TSHZ1: variants seen among roughly 807,000 people sequenced by gnomAD.
TSHZ1 encodes the protein teashirt zinc finger homeobox 1.
Under a neutral mutation model 67.1 loss-of-function variants are expected in TSHZ1, and 12 were observed. The observed-to-expected ratio is 0.18, with a 90% CI of 0.11 to 0.29. The LOEUF (loss-of-function observed/expected upper bound fraction) is 0.29, where lower values mean the gene tolerates loss of function less well. Ranked by LOEUF, TSHZ1 falls within the 10% of genes least tolerant of loss-of-function variation. TSHZ1 has a pLI of 1.00. For synonymous variants in TSHZ1, 632 were observed against 622.4 expected (o/e 1.02, Z -0.23); for missense variants, 1,305 against 1,413.9 (o/e 0.92, Z 1.23).
rs774520194 is a variant in TSHZ1, at chr18:75,288,504, T to C, written c.3097T>C (p.Leu1033=). The C allele has an allele frequency of 7.4e-6, 12 of 1,614,094 alleles. No homozygotes were observed. Among genetic ancestry groups the C allele is most frequent in the Admixed American group, 1.7e-5 (1 of 60,010 alleles). ...LGPLGATEED[L]GSTFQCKLCN... Reference sequence around the variant, plus strand: ...CCCACTGGGGGCCACCGAGGAAGACTTGGGCTCCACATTCCAATGTAAGCT... The same window carrying C: ...CCCACTGGGGGCCACCGAGGAAGACCTGGGCTCCACATTCCAATGTAAGCT... Residue 1033 remains leucine, a synonymous_variant, in exon 2 of 2, where the codon TTG becomes CTG. Coordinates refer to ENST00000580243, the MANE Select transcript of TSHZ1 (RefSeq NM_001308210.2). The surrounding 1 kb of genome is among the most constrained non-coding windows in gnomAD (Gnocchi z 4.9).
At chr18:75,238,188 G>C (rs983800187) in intron 1 of TSHZ1, among the ~76,000 whole-genome samples, 1 of 152,292 alleles carries the variant, frequency 6.6e-6, no homozygotes, top group South Asian at 2.1e-4. Flanking sequence ...AGCCTTGCAC[G>C]TGACAGATGG....
Position 75,287,546 on chromosome 18 carries a change from A to G in TSHZ1, c.2139A>G (p.Pro713=). The change falls in exon 2 of 2, where the codon CCA becomes CCG. Residue 713 remains proline, a synonymous_variant. Coordinates refer to ENST00000580243, the MANE Select transcript of TSHZ1 (RefSeq NM_001308210.2). The surrounding 1 kb of genome is among the most constrained non-coding windows in gnomAD (Gnocchi z 5.0). ...KKEGPLDVHT[P]NGTEPLKAKV... is the part of the protein sequence containing the mutation. ...AGGGACCGCTGGACGTTCACACCCC[A>G]AATGGCACAGAGCCTCTCAAAGCAA... is the stretch of plus-strand genomic sequence containing the variant. 1 of 1,614,232 alleles carries G rather than the reference A, an allele frequency of 6.2e-7. No individual in the cohort carries two copies.
chr18:75,288,062 G>C lies in TSHZ1; in HGVS notation c.2655G>C (p.Arg885Ser), dbSNP rs1352490407. The change falls in exon 2 of 2, where the codon AGG (arginine) becomes AGC (serine). Residue 885 changes from arginine to serine, a missense_variant. Around this residue, in one of 3 missense-constraint regions of TSHZ1, gnomAD observed 909 missense variants for 961.8 expected, o/e 0.95. Coordinates refer to ENST00000580243, the MANE Select transcript of TSHZ1 (RefSeq NM_001308210.2). This position sits in a 1 kb window ranked among gnomAD's most constrained non-coding sequence, Gnocchi z 4.9. ...ALDELSPVHK[R>S]KGRQSNWNPQ... ...ACGAGCTGTCACCGGTCCACAAGAG[G>C]AAGGGCCGGCAGTCCAACTGGAACC... The C allele has an allele frequency of 6.2e-7, 1 of 1,613,826 alleles. No homozygotes were observed. Among genetic ancestry groups the C allele is most frequent in the East Asian group, 2.2e-5 (1 of 44,884 alleles).
rs539764315 is a variant in TSHZ1, at chr18:75,287,697, G to A, written c.2290G>A (p.Val764Met). ...NTHLGKVSKP[V>M]SPSLDPLAML... ...CCACCTGGGCAAGGTGTCCAAGCCCGTGAGTCCCTCGCTGGACCCGCTGGC... is the reference window on the plus strand; with the variant it reads ...CCACCTGGGCAAGGTGTCCAAGCCCATGAGTCCCTCGCTGGACCCGCTGGC... Residue 764 changes from valine to methionine, a missense_variant, in exon 2 of 2, where the codon GTG becomes ATG. Physicochemically the swap from Val to Met is conservative, Grantham distance 21 (BLOSUM62 1). Coordinates refer to ENST00000580243, the MANE Select transcript of TSHZ1 (RefSeq NM_001308210.2). This position sits in a 1 kb window ranked among gnomAD's most constrained non-coding sequence, Gnocchi z 5.0. 47 of 1,614,168 alleles carry A rather than the reference G, an allele frequency of 2.9e-5. No homozygotes were observed. Among genetic ancestry groups the A allele is most frequent in the South Asian group, 9.9e-5 (9 of 91,080 alleles).
intron 1 of TSHZ1, among the ~76,000 whole-genome samples, chr18:75,251,301 G>A (rs1355882247): frequency 6.6e-6 from 1 of 151,934 alleles, no homozygotes; most frequent in Non-Finnish European, 1.5e-5. Flanking sequence ...CTACCCCAAT[G>A]TAGCTTACTG....
chr18:75,287,094 A>T lies in TSHZ1; in HGVS notation c.1687A>T (p.Ile563Phe). 1 of 1,614,130 alleles carries T rather than the reference A, an allele frequency of 6.2e-7. No individual in the cohort carries two copies. Among genetic ancestry groups the T allele is most frequent in the Non-Finnish European group, 8.5e-7 (1 of 1,180,028 alleles). The change falls in exon 2 of 2, where the codon ATT (isoleucine) becomes TTT (phenylalanine). Residue 563 changes from isoleucine (I) to phenylalanine (F), a missense_variant. Ile to Phe is a conservative substitution (Grantham distance 21, BLOSUM62 0). Transcript: ENST00000580243. The surrounding 1 kb of genome is among the most constrained non-coding windows in gnomAD (Gnocchi z 5.0). ...KSLENTVSTA[I>F]SKAQNGAPSW... ...CCTGGAGAATACCGTCTCCACGGCC[A>T]TTAGCAAAGCTCAGAATGGTGCGCC...
At chr18:75,212,486 C>G (rs974289733) in intron 1 of TSHZ1, among the ~76,000 whole-genome samples, 1 of 151,990 alleles carries the variant, frequency 6.6e-6, no homozygotes, top group Non-Finnish European at 1.5e-5. Flanking sequence ...TCTGATTGAA[C>G]AGAAAAGTTA....
chr18:75,251,779 A>G (rs1487430069), intron 1 of TSHZ1, among the ~76,000 whole-genome samples: 1 of 152,078 alleles, frequency 6.6e-6, no homozygotes, highest in East Asian at 1.9e-4. Flanking sequence ...ATTTTCGGTC[A>G]TGTTATTTGC....
intron 1 of TSHZ1, among the ~76,000 whole-genome samples, chr18:75,275,724 G>T (rs1359757755): frequency 6.6e-6 from 1 of 152,144 alleles, no homozygotes; most frequent in Non-Finnish European, 1.5e-5. Context: ...CAGACGTGGG[G>T]GTAAAAACTG....
chr18:75,261,927 T>C (rs1398462318), intron 1 of TSHZ1, among the ~76,000 whole-genome samples: 2 of 152,178 alleles, frequency 1.3e-5, no homozygotes, highest in Non-Finnish European at 2.9e-5. Context: ...AGCCAAACCC[T>C]TGAGGCTTTT....
intron 1 of TSHZ1, among the ~76,000 whole-genome samples, chr18:75,270,253 T>G (rs1259373365): frequency 6.6e-6 from 1 of 152,180 alleles, no homozygotes; most frequent in Non-Finnish European, 1.5e-5. Context: ...GTGCCTCAGT[T>G]TCCTCATATG....
At chr18:75,229,111 G>GGCGTGCTGCCCTGGCCT (rs2022963053) in intron 1 of TSHZ1, among the ~76,000 whole-genome samples, 1 of 152,242 alleles carries the variant, frequency 6.6e-6, no homozygotes, top group African/African-American at 2.4e-5. Context: ...GCAGGTGTTG[G>GGCGTGCTGCCCTGGCCT]GCGTGCTGCC....
At chr18:75,237,312 AG>A (rs1458410798) in intron 1 of TSHZ1, among the ~76,000 whole-genome samples, 2 of 152,200 alleles carry the variant, frequency 1.3e-5, no homozygotes, top group Non-Finnish European at 1.5e-5. Context: ...ACTTGAGGTC[AG>A]GAGTTCGCAA....
At chr18:75,243,469 C>T (rs949377874) in intron 1 of TSHZ1, among the ~76,000 whole-genome samples, 4 of 151,482 alleles carry the variant, frequency 2.6e-5, no homozygotes, top group Admixed American at 1.3e-4. Flanking sequence ...TTCCAGATAA[C>T]TTGTTATGGG....
intron 1 of TSHZ1, among the ~76,000 whole-genome samples, chr18:75,272,376 C>G (rs1449143910): frequency 1.3e-5 from 2 of 152,094 alleles, no homozygotes; most frequent in Admixed American, 6.5e-5. Flanking sequence ...TGTGTGCACC[C>G]CTCTGATGGG....
intron 1 of TSHZ1, among the ~76,000 whole-genome samples, chr18:75,226,185 TG>T (rs1309502890): frequency 1.3e-5 from 2 of 152,226 alleles, no homozygotes; most frequent in East Asian, 3.8e-4. Flanking sequence ...TAAGTCCTGA[TG>T]GGGGAGGAAA....
chr18:75,270,199 T>A (rs1275900157), intron 1 of TSHZ1, among the ~76,000 whole-genome samples: 2 of 152,206 alleles, frequency 1.3e-5, no homozygotes, highest in African/African-American at 2.4e-5. Flanking sequence ...CCCCTGCTCC[T>A]TGTCTTACTG....
chr18:75,253,947 T>G (rs2023334403), intron 1 of TSHZ1, among the ~76,000 whole-genome samples: 1 of 152,158 alleles, frequency 6.6e-6, no homozygotes, highest in East Asian at 1.9e-4. Context: ...ATCATATGGG[T>G]TTGTATTTGC....
rs2022694743 is a variant in TSHZ1, at chr18:75,211,799, C to T, written c.-78C>T. On this transcript the variant is annotated 5_prime_UTR_variant, in exon 1 of 2. Coordinates refer to ENST00000580243, the MANE Select transcript of TSHZ1 (RefSeq NM_001308210.2). ...AGTTGGGCGCGCCGCGGAGTTGCGC[C>T]CGCGCCCGGGGCCCCGCGTCCCCGC... 3.1e-6 allele frequency: 3 copies of T among 980,674 alleles called. No homozygotes were observed. The highest frequency in any genetic ancestry group is 9.7e-5 in the East Asian group (1 of 10,320). The allele number at this position is 980,674 out of a possible 1,614,324, so 60.7% of individuals were successfully genotyped here. A position where few individuals can be genotyped will look rare whatever the true frequency, so the allele number is the denominator to read the frequency against.
Sources: gnomAD v4.1 joint callset for allele counts (sites outside exome capture counted in the v4.1 genomes callset) on GRCh38, gnomAD v4.1.1 for gene constraint, gnomAD v4.1.1 regional missense constraint, Gnocchi (gnomAD v3.1) non-coding constraint, MANE v1.5 for transcripts, NCBI Gene and HGNC (gene_info 2026-07-23, HGNC 2026-07-21) for gene names.